SVIL: variants seen among roughly 807,000 people sequenced by gnomAD.
SVIL encodes supervillin.
A neutral mutation model predicts 240.4 loss-of-function variants in SVIL; 101 were observed. The observed-to-expected ratio is 0.42, with a 90% CI of 0.36 to 0.50. The LOEUF (loss-of-function observed/expected upper bound fraction) is 0.50, where lower values mean the gene tolerates loss of function less well. Among genes scored for constraint, SVIL ranks in the 20% least tolerant of loss-of-function variants. The pLI is 0.01. For synonymous variants in SVIL, 999 were observed against 1,100.0 expected (o/e 0.91, Z 1.82); for missense variants, 2,512 against 2,818.7 (o/e 0.89, Z 2.46).
At chr10:29,491,693 C>A (rs114317028) in intron 21 of SVIL, among the ~76,000 whole-genome samples, 2 of 152,130 alleles carry the variant, frequency 1.3e-5, no homozygotes, top group African/African-American at 4.8e-5. Context: ...GATCTCCCAA[C>A]AGACTCCTGC....
At chr10:29,531,964 C>T (rs748432994) in intron 9 of SVIL, 38 bp downstream of exon 9, 5 of 1,608,370 alleles carry the variant, frequency 3.1e-6, no homozygotes, top group East Asian at 2.2e-5. Context: ...GTCATTGCCA[C>T]GTTCCTGGAT....
intron 1 of SVIL, among the ~76,000 whole-genome samples, chr10:29,734,977 C>T (rs1964813574): frequency 6.6e-6 from 1 of 152,198 alleles, no homozygotes; most frequent in South Asian, 2.1e-4. Context: ...TTCACAAGAT[C>T]TCTCATGCCA....
intron 35 of SVIL, among the ~76,000 whole-genome samples, chr10:29,462,669 G>T (rs115330663): frequency 0.03 from 4,546 of 152,232 alleles, 231 homozygotes; most frequent in African/African-American, 0.1. Flanking sequence ...GGGAGAGAGA[G>T]GCTCTGTCTG....
chr10:29,584,755 T>C (rs1051472904), intron 1 of SVIL, among the ~76,000 whole-genome samples: 20 of 152,240 alleles, frequency 1.3e-4, no homozygotes, highest in Middle Eastern at 3.4e-3. Context: ...CAGGGCATTC[T>C]GAGGTGGGAA....
chr10:29,510,500 C>T (rs1223667184), intron 17 of SVIL, among the ~76,000 whole-genome samples: 5 of 150,318 alleles, frequency 3.3e-5, no homozygotes, highest in South Asian at 2.1e-4. Flanking sequence ...TGCACACTCA[C>T]GGCAGCAGCC....
intron 17 of SVIL, among the ~76,000 whole-genome samples, chr10:29,512,439 GC>G (rs1267821969): frequency 1.3e-5 from 2 of 152,146 alleles, no homozygotes; most frequent in East Asian, 3.9e-4. Context: ...ACACATGAAA[GC>G]CAGACTTCAT....
At position 29,484,667 on chromosome 10, in the gene SVIL, C is replaced by G; in HGVS notation, c.4944G>C (p.Pro1648=). The part of the protein sequence containing the change: ...INPLDPGECN[P]LIPRKGQGRP... ...GGCGGCAGGAGTACCTGGGGATAAG[C>G]GGATTGCATTCTCCAGGATCCAGGG... The change falls in exon 27 of 38, where the codon CCG becomes CCC. Residue 1648 remains proline, a synonymous_variant. Transcript: ENST00000355867. The surrounding 1 kb of genome is among the most constrained non-coding windows in gnomAD (Gnocchi z 4.7). The G allele has an allele frequency of 1.2e-6, 2 of 1,611,842 alleles. No homozygotes were observed. The highest frequency in any genetic ancestry group is 1.7e-6 in the Non-Finnish European group (2 of 1,179,042).
At chr10:29,588,570 T>C (rs1301630532) in intron 1 of SVIL, among the ~76,000 whole-genome samples, 1 of 152,226 alleles carries the variant, frequency 6.6e-6, no homozygotes, top group Non-Finnish European at 1.5e-5. Context: ...ATTTTTAATT[T>C]ACACTAATTC....
At chr10:29,461,836 TCA>T (rs1328186830) in intron 36 of SVIL, among the ~76,000 whole-genome samples, 1 of 152,206 alleles carries the variant, frequency 6.6e-6, no homozygotes, top group African/African-American at 2.4e-5. Context: ...CTCCATTCAT[TCA>T]GTTTTCTGAA....
chr10:29,582,058 G>A (rs1164191795), intron 1 of SVIL, among the ~76,000 whole-genome samples: 1 of 152,192 alleles, frequency 6.6e-6, no homozygotes, highest in Non-Finnish European at 1.5e-5. Context: ...CAGGGGCTGG[G>A]CAGAGGGAAA....
At chr10:29,470,505 CGGA>C (rs1564463823) in intron 31 of SVIL, 22 bp from the exon 32 acceptor site, 2 of 1,613,302 alleles carry the variant, frequency 1.2e-6, no homozygotes, top group Non-Finnish European at 1.7e-6. Context: ...ACCGGCGGCG[CGGA>C]GGAGTTAGCA....
chr10:29,580,121 G>C (rs1293023554), intron 1 of SVIL, among the ~76,000 whole-genome samples: 1 of 151,828 alleles, frequency 6.6e-6, no homozygotes, highest in Non-Finnish European at 1.5e-5. Context: ...TTGAAGCCAG[G>C]AGTTCGAGAG....
At chr10:29,523,334 A>G in intron 15 of SVIL, 117 bp downstream of exon 15, 1 of 922,308 alleles carries the variant, frequency 1.1e-6, no homozygotes, top group Non-Finnish European at 1.6e-6. Flanking sequence ...CTTTTAACCA[A>G]TACTAGCTGT....
chr10:29,513,018 C>T (rs1458533373), intron 16 of SVIL, among the ~76,000 whole-genome samples, 157 bp from the exon 17 acceptor site: 8 of 152,216 alleles, frequency 5.3e-5, no homozygotes, highest in Non-Finnish European at 1.2e-4. Context: ...GACAGCATGT[C>T]TGGAAAAATA....
intron 1 of SVIL, among the ~76,000 whole-genome samples, chr10:29,587,938 T>G (rs1216742546): frequency 6.6e-6 from 1 of 152,208 alleles, no homozygotes; most frequent in Non-Finnish European, 1.5e-5. Flanking sequence ...TCATTATTTT[T>G]AATTCTATGA....
chr10:29,543,860 C>T (rs1952389344), intron 6 of SVIL, among the ~76,000 whole-genome samples: 1 of 152,174 alleles, frequency 6.6e-6, no homozygotes, highest in South Asian at 2.1e-4. Flanking sequence ...CAACCCTTCA[C>T]AGGGCAGAGG....
chr10:29,524,857 C>T (rs1388246604), intron 13 of SVIL, 142 bp from the exon 14 acceptor site: 1 of 1,271,946 alleles, frequency 7.9e-7, no homozygotes, highest in African/African-American at 1.5e-5. Flanking sequence ...CAGAGGCAGG[C>T]AGCTGTTCAG....
chr10:29,492,201 T>C (rs1333948821), intron 21 of SVIL, among the ~76,000 whole-genome samples: 1 of 152,070 alleles, frequency 6.6e-6, no homozygotes, highest in Non-Finnish European at 1.5e-5. Context: ...CCAGTCAGCA[T>C]CTTCTATCCC....
chr10:29,515,386 C>T (rs1950140032), intron 16 of SVIL, among the ~76,000 whole-genome samples: 1 of 151,904 alleles, frequency 6.6e-6, no homozygotes, highest in African/African-American at 2.4e-5. Flanking sequence ...TCAGTTTTAT[C>T]CTAATAAAAT....
Sources: gnomAD v4.1 joint callset for allele counts (sites outside exome capture counted in the v4.1 genomes callset) on GRCh38, gnomAD v4.1.1 for gene constraint, Gnocchi (gnomAD v3.1) non-coding constraint, MANE v1.5 for transcripts, NCBI Gene and HGNC (gene_info 2026-07-23, HGNC 2026-07-21) for gene names.